KEL: variants seen among roughly 807,000 people sequenced by gnomAD.
The protein encoded by KEL is Kell metallo-endopeptidase (Kell blood group), also known as kell blood group glycoprotein.
A neutral mutation model predicts 99.5 loss-of-function variants in KEL; 96 were observed. The observed-to-expected ratio is 0.97, with a 90% CI of 0.82 to 1.14. The LOEUF (loss-of-function observed/expected upper bound fraction) is 1.14, where lower values mean the gene tolerates loss of function less well. Ranked by LOEUF, KEL falls within the 50% of genes most tolerant of loss-of-function variation. KEL has a pLI of 0.00. For missense variants in KEL, 926 were observed against 924.2 expected (o/e 1.00, Z -0.03); for synonymous variants, 355 against 354.8 (o/e 1.00, Z -0.01).
At chr7:142,944,228 C>T in intron 13 of KEL, 95 bp downstream of exon 13, 3 of 1,034,162 alleles carry the variant, frequency 2.9e-6, no homozygotes, top group Non-Finnish European at 4.6e-6. Context: ...CTAAGTCACC[C>T]AGGGAAAACT....
At chr7:142,944,213 C>G (rs1003602705) in intron 13 of KEL, 110 bp downstream of exon 13, 2 of 900,558 alleles carry the variant, frequency 2.2e-6, no homozygotes, top group Admixed American at 3.5e-5. Context: ...AGAGTAAGGA[C>G]AGAGCTAAGT....
rs1796752698 is a variant in KEL, at chr7:142,953,833, C to T, written c.1048G>A (p.Val350Met). 4 of 1,614,232 alleles carry T rather than the reference C, an allele frequency of 2.5e-6. No individual in the cohort carries two copies. The highest frequency in any genetic ancestry group is 1.1e-5 in the South Asian group (1 of 91,084). The change falls in exon 9 of 19, where the codon GTG (valine) becomes ATG (methionine). Residue 350 changes from valine (V) to methionine (M), a missense_variant. Physicochemically the swap from Val to Met is conservative, Grantham distance 21. Coordinates refer to ENST00000355265, the MANE Select transcript of KEL (RefSeq NM_000420.3). ...CTCTGCTTTAGCAGCATCTCCTCCA[C>T]CAGTTGTGACATGTTTTTCAAATAT... Reference protein sequence around the residue: ...VEYLKNMSQLVEEMLLKQRDF... With the variant: ...VEYLKNMSQLMEEMLLKQRDF...
Position 142,946,237 on chromosome 7 carries a change from A to G in KEL, c.1284T>C (p.Arg428=). Residue 428 remains arginine (R), a synonymous_variant, in exon 11 of 19, where the codon CGT becomes CGC. Transcript: ENST00000355265. ...FEPTLAALFV[R]EAFGPSTRSA... ...TTCGGGTGCTCGGGCCAAAGGCCTCACGAACAAACAAAGCCGCCAGCGTGG... is the reference window on the plus strand; with the variant it reads ...TTCGGGTGCTCGGGCCAAAGGCCTCGCGAACAAACAAAGCCGCCAGCGTGG... 1 of 1,614,080 alleles carries G rather than the reference A, an allele frequency of 6.2e-7. No individual in the cohort carries two copies. The highest frequency in any genetic ancestry group is 8.5e-7 in the Non-Finnish European group (1 of 1,179,964).
Position 142,942,894 on chromosome 7 carries a change from C to G in KEL, c.1922G>C (p.Gly641Ala), listed in dbSNP as rs1413195094. 6.2e-7 allele frequency: 1 copy of G among 1,614,010 alleles called. No individual in the cohort carries two copies. Among genetic ancestry groups the G allele is most frequent in the East Asian group, 2.2e-5 (1 of 44,900 alleles). Residue 641 changes from glycine (G) to alanine (A), a missense_variant, in exon 17 of 19, where the codon GGG (glycine) becomes GCG (alanine). Coordinates refer to ENST00000355265, the MANE Select transcript of KEL (RefSeq NM_000420.3). ...TFLENAADVG[G>A]LAIALQAYSK... The stretch of plus-strand genomic sequence containing the variant: ...GCATACCTGCAGCGCGATGGCTAGC[C>G]CCCCAACGTCTGCAGCATTCTCTAA...
intron 3 of KEL, 109 bp downstream of exon 3, chr7:142,961,250 TG>T (rs1796950142): frequency 1.9e-6 from 3 of 1,541,390 alleles, no homozygotes; most frequent in Non-Finnish European, 2.7e-6. Context: ...AGAAGAACCA[TG>T]GGGACCCCAA....
At chr7:142,957,726 G>A in intron 6 of KEL, 101 bp downstream of exon 6, 2 of 1,418,668 alleles carry the variant, frequency 1.4e-6, no homozygotes, top group Non-Finnish European at 2.0e-6. Context: ...ATATCACACA[G>A]GTGTCCTCTC....
rs190394397 is a variant in KEL, at chr7:142,943,838, G to A, written c.1537C>T (p.Arg513Trp). 1.4e-5 allele frequency: 23 copies of A among 1,614,148 alleles called. No homozygotes were observed. Among genetic ancestry groups the A allele is most frequent in the East Asian group, 1.3e-4 (6 of 44,876 alleles). The change falls in exon 14 of 19, where the codon CGG becomes TGG. Residue 513 changes from arginine to tryptophan, a missense_variant. Physicochemically the swap from Arg to Trp is moderately radical, Grantham distance 101. Transcript: ENST00000355265. ...TGGACAATTCTAGCTCGGAGGGACCGGACACAGCTCAGGACAGACTGCAGG... is the reference window on the plus strand; with the variant it reads ...TGGACAATTCTAGCTCGGAGGGACCAGACACAGCTCAGGACAGACTGCAGG... Reference protein sequence around the residue: ...SFLQSVLSCVRSLRARIVQSF... With the variant: ...SFLQSVLSCVWSLRARIVQSF...
chr7:142,958,076 G>A, intron 5 of KEL, 103 bp from the exon 6 acceptor site: 11 of 1,446,450 alleles, frequency 7.6e-6, no homozygotes, highest in Non-Finnish European at 1.0e-5. Context: ...CCTCTGCCCT[G>A]CGCCCTTCGA....
At chr7:142,953,767 C>T in intron 9 of KEL, 41 bp downstream of exon 9, 2 of 1,610,952 alleles carry the variant, frequency 1.2e-6, no homozygotes, top group South Asian at 2.2e-5. Context: ...CTCAGGCTCT[C>T]CTCCATTTCC....
At chr7:142,942,639 T>C in intron 17 of KEL, 110 bp from the exon 18 acceptor site, 1 of 900,762 alleles carries the variant, frequency 1.1e-6, no homozygotes, top group South Asian at 1.4e-5. Flanking sequence ...GGTTCTGCAC[T>C]GACTAGTTGA....
intron 18 of KEL, chr7:142,942,193 AAT>A (rs1164888362): frequency 4.0e-5 from 23 of 575,886 alleles, no homozygotes. Flanking sequence ...GGAACTTGGG[AAT>A]AGAGTTTTTT....
intron 10 of KEL, 161 bp from the exon 11 acceptor site, chr7:142,946,478 C>G: frequency 3.0e-6 from 2 of 672,896 alleles, no homozygotes; most frequent in East Asian, 2.7e-5. Context: ...CATCACCGAT[C>G]AGTACAAGAA....
Position 142,952,585 on chromosome 7 carries a change from G to A in KEL, c.1127C>T (p.Ala376Val), listed in dbSNP as rs769954956. 1.9e-6 allele frequency: 3 copies of A among 1,613,980 alleles called. No homozygotes were observed. The African/African-American group carries it at 4.0e-5, about 22-fold the overall frequency. The change falls in exon 10 of 19, where the codon GCC (alanine) becomes GTC (valine). Residue 376 changes from alanine (A) to valine (V), a missense_variant. Ala to Val is a moderately conservative substitution (Grantham distance 64). Transcript: ENST00000355265. ...TGCCTCCTGGAATTGACTGTCCAGG[G>A]CTGGAGAAAGGGTCACCACCAGCCC... Reference protein sequence around the residue: ...ILGLVVTLSPALDSQFQEARR... With the variant: ...ILGLVVTLSPVLDSQFQEARR...
chr7:142,943,212 C>T lies in KEL; in HGVS notation c.1771+64G>A, dbSNP rs370914535. The T allele has an allele frequency of 7.4e-5, 117 of 1,587,336 alleles. No individual in the cohort carries two copies. The African/African-American group carries it at 1.3e-3, about 18-fold the overall frequency. ...AAATAACCTCCCTTTCCCCTCCAGG[C>T]CTCCCTTGTGGTCTTCCCTTAGGTT... On this transcript the variant is annotated intron_variant, in intron 16 of 18. Transcript: ENST00000355265.
intron 10 of KEL, among the ~76,000 whole-genome samples, chr7:142,952,115 A>G (rs576518601): frequency 1.3e-5 from 2 of 152,144 alleles, no homozygotes; most frequent in Non-Finnish European, 2.9e-5. Context: ...TCAACTAGAC[A>G]TAAGGAAGGC....
At chr7:142,955,038 C>G (rs937841956) in intron 6 of KEL, among the ~76,000 whole-genome samples, 4 of 152,186 alleles carry the variant, frequency 2.6e-5, no homozygotes, top group Non-Finnish European at 5.9e-5. Context: ...TGTAACCAAT[C>G]AAGCTGTTTC....
At chr7:142,946,542 T>A in intron 10 of KEL, 1 of 592,770 alleles carries the variant, frequency 1.7e-6, no homozygotes, top group Non-Finnish European at 3.0e-6. Flanking sequence ...AAATCCTTCA[T>A]GTTATTGCCT....
At chr7:142,942,682 A>G (rs8176041) in intron 17 of KEL, among the ~76,000 whole-genome samples, 153 bp from the exon 18 acceptor site, 13 of 152,206 alleles carry the variant, frequency 8.5e-5, no homozygotes, top group African/African-American at 3.1e-4. Context: ...TTCCCAGAAG[A>G]CCTATAGATG....
chr7:142,941,452 C>A (rs963545998), intron 18 of KEL, 39 bp from the exon 19 acceptor site: 2 of 1,536,710 alleles, frequency 1.3e-6, no homozygotes, highest in Non-Finnish European at 8.8e-7. Context: ...GGAGGGTCCA[C>A]AGGACAAAGC....
Sources: allele counts gnomAD v4.1 joint callset (sites outside exome capture counted in the v4.1 genomes callset), GRCh38; gene constraint gnomAD v4.1.1; transcripts MANE v1.5; gene names NCBI Gene and HGNC (gene_info 2026-07-23, HGNC 2026-07-21).